PBX3: variants seen among roughly 807,000 people sequenced by gnomAD.
The protein encoded by PBX3 is PBX homeobox 3, also known as pre-B-cell leukemia transcription factor 3.
A neutral mutation model predicts 48.5 loss-of-function variants in PBX3; 14 were observed. That is an observed-to-expected ratio of 0.29 (90% CI 0.19 to 0.45). The LOEUF is 0.45. PBX3 is among the 20% of genes least tolerant of loss of function. The pLI, the probability that PBX3 is intolerant of heterozygous loss-of-function variation, is 1.00. For missense variants in PBX3, 386 were observed against 546.7 expected (o/e 0.71, Z 2.93); for synonymous variants, 210 against 200.3 (o/e 1.05, Z -0.41).
intron 2 of PBX3, among the ~76,000 whole-genome samples, chr9:125,830,188 TTTG>T (rs1257889389): frequency 7.2e-5 from 11 of 152,212 alleles, no homozygotes; most frequent in Admixed American, 2.0e-4. Context: ...TTCAACTGAT[TTTG>T]TTTAGAAATA....
chr9:125,755,672 G>GTTTTTTTTTTTTTTTT (rs11310993), intron 2 of PBX3, among the ~76,000 whole-genome samples: 1 of 95,236 alleles, frequency 1.1e-5, no homozygotes, highest in Non-Finnish European at 2.1e-5. Flanking sequence ...GAGGAGCTTT[G>GTTTTTTTTTTTTTTTT]TTTTTTTTTT....
At chr9:125,867,789 C>T (rs1840023904) in intron 2 of PBX3, among the ~76,000 whole-genome samples, 1 of 151,732 alleles carries the variant, frequency 6.6e-6, no homozygotes, top group Middle Eastern at 3.2e-3. Flanking sequence ...CACACATATA[C>T]ACACACATAT....
chr9:125,787,166 A>G (rs1837479721), intron 2 of PBX3, among the ~76,000 whole-genome samples: 1 of 152,066 alleles, frequency 6.6e-6, no homozygotes, highest in South Asian at 2.1e-4. Flanking sequence ...CAACCTCTTC[A>G]GTAGCTTGGA....
At position 125,963,088 on chromosome 9, in the gene PBX3, C is replaced by T; in HGVS notation, c.1199C>T (p.Pro400Leu). ...CTTGGAGGAAATTCACTGTACAGTC[C>T]ACATAATTTAAATGTGAGTACTCTG... ...DGLGGNSLYS[P>L]HNLNANGGWQ... Residue 400 changes from proline to leucine, a missense_variant, in exon 8 of 9, where the codon CCA becomes CTA. By Grantham distance (98) the Pro-to-Leu change is moderately conservative. This residue lies in a region of PBX3 where 127 missense variants were observed against 143.3 expected (regional missense o/e 0.89). Coordinates refer to ENST00000373489, the MANE Select transcript of PBX3 (RefSeq NM_006195.6). 6 of 1,593,708 alleles carry T rather than the reference C, an allele frequency of 3.8e-6. No individual in the cohort carries two copies. The highest frequency in any genetic ancestry group is 1.3e-5 in the African/African-American group (1 of 74,708).
chr9:125,882,936 A>T (rs919644559), intron 2 of PBX3, among the ~76,000 whole-genome samples: 3 of 152,262 alleles, frequency 2.0e-5, no homozygotes, highest in Admixed American at 6.5e-5. Flanking sequence ...TATTTGCAAC[A>T]TTAGAAATCT....
At position 125,929,845 on chromosome 9, in the gene PBX3, G is replaced by A; in HGVS notation, c.707G>A (p.Arg236Lys). Reference sequence around the variant, plus strand: ...TTAAGATCAAGGTTCCTTGATGCCAGGTATGTGAAGCCATAAATCTATTGC... The same window carrying A: ...TTAAGATCAAGGTTCCTTGATGCCAAGTATGTGAAGCCATAAATCTATTGC... ...MILRSRFLDA[R>K]RKRRNFSKQA... is the part of the protein sequence containing the mutation. Residue 236 changes from arginine to lysine, a missense_variant and splice_region_variant, in exon 4 of 9, where the codon AGA becomes AAA. This residue lies in a region of PBX3 where 74 missense variants were observed against 206.1 expected (regional missense o/e 0.36). Transcript: ENST00000373489. 1 of 1,607,952 alleles carries A rather than the reference G, an allele frequency of 6.2e-7. No individual in the cohort carries two copies. Among genetic ancestry groups the A allele is most frequent in the Non-Finnish European group, 8.5e-7 (1 of 1,174,710 alleles).
At chr9:125,927,263 A>C (rs1266277053) in intron 3 of PBX3, among the ~76,000 whole-genome samples, 1 of 152,240 alleles carries the variant, frequency 6.6e-6, no homozygotes, top group Non-Finnish European at 1.5e-5. Flanking sequence ...TACACTGAAG[A>C]ATCCCGTAAG....
intron 2 of PBX3, among the ~76,000 whole-genome samples, chr9:125,878,409 A>G (rs1241257311): frequency 1.3e-5 from 2 of 152,240 alleles, no homozygotes; most frequent in Non-Finnish European, 2.9e-5. Context: ...AAGGGTCAGT[A>G]TGCATAACCT....
chr9:125,754,595 CAT>C (rs35214217), intron 2 of PBX3, among the ~76,000 whole-genome samples: 77,250 of 151,670 alleles, frequency 0.51, 21,400 homozygotes, highest in South Asian at 0.63. Flanking sequence ...AAACTCAGAA[CAT>C]ATTAAAAAAT....
At chr9:125,916,066 A>ACAATTCAC in intron 3 of PBX3, 139 bp downstream of exon 3, 3 of 1,266,540 alleles carry the variant, frequency 2.4e-6, no homozygotes, top group Non-Finnish European at 3.2e-6. Context: ...CAAAAATCCA[A>ACAATTCAC]GTGAATTGTT....
chr9:125,810,656 T>TA (rs1395882814), intron 2 of PBX3, among the ~76,000 whole-genome samples: 3 of 152,218 alleles, frequency 2.0e-5, no homozygotes, highest in African/African-American at 7.2e-5. Context: ...AGGAAAATCT[T>TA]ACCATTGATT....
At chr9:125,755,939 A>G (rs1836507029) in intron 2 of PBX3, among the ~76,000 whole-genome samples, 1 of 151,974 alleles carries the variant, frequency 6.6e-6, no homozygotes, top group Non-Finnish European at 1.5e-5. Context: ...ACATAATTTC[A>G]TTAACATGGC....
chr9:125,748,725 C>A, intron 2 of PBX3, 102 bp downstream of exon 2: 1 of 755,222 alleles, frequency 1.3e-6, no homozygotes, highest in South Asian at 1.6e-5. Flanking sequence ...TGGGCACCGC[C>A]ATCTTTGATC....
intron 2 of PBX3, among the ~76,000 whole-genome samples, chr9:125,832,869 A>G (rs1028038940): frequency 6.6e-6 from 1 of 152,132 alleles, no homozygotes; most frequent in African/African-American, 2.4e-5. Flanking sequence ...ACACCTATCT[A>G]TAATTCCAGG....
At chr9:125,850,968 C>T (rs1839561103) in intron 2 of PBX3, among the ~76,000 whole-genome samples, 1 of 152,006 alleles carries the variant, frequency 6.6e-6, no homozygotes, top group Admixed American at 6.6e-5. Flanking sequence ...TGGCAGACTG[C>T]TCTGTTCCAG....
chr9:125,816,342 G>A (rs915696116), intron 2 of PBX3, among the ~76,000 whole-genome samples: 1 of 152,100 alleles, frequency 6.6e-6, no homozygotes, highest in Admixed American at 6.6e-5. Context: ...CTATCAGAGG[G>A]AAACTGGAAA....
chr9:125,922,147 G>GA (rs1315404871), intron 3 of PBX3, among the ~76,000 whole-genome samples: 1 of 152,134 alleles, frequency 6.6e-6, no homozygotes, highest in East Asian at 1.9e-4. Flanking sequence ...TACAGATATT[G>GA]AGGAGACAGT....
At chr9:125,885,401 G>A (rs1219430927) in intron 2 of PBX3, among the ~76,000 whole-genome samples, 2 of 152,102 alleles carry the variant, frequency 1.3e-5, no homozygotes, top group African/African-American at 2.4e-5. Flanking sequence ...TTGGTAGAGA[G>A]TGAAGTTATA....
intron 2 of PBX3, among the ~76,000 whole-genome samples, chr9:125,850,914 T>G (rs938946294): frequency 6.6e-6 from 1 of 152,164 alleles, no homozygotes; most frequent in Admixed American, 6.5e-5. Context: ...GGCTGCAGTG[T>G]TGAAAAAATC....
Sources: gnomAD v4.1 joint callset for allele counts (sites outside exome capture counted in the v4.1 genomes callset) on GRCh38, gnomAD v4.1.1 for gene constraint, gnomAD v4.1.1 regional missense constraint, MANE v1.5 for transcripts, NCBI Gene and HGNC (gene_info 2026-07-23, HGNC 2026-07-21) for gene names.